Variants in PALLD observed in about 807,000 individuals in gnomAD.
PALLD encodes palladin, cytoskeletal associated protein, also known as palladin.
PALLD carries 61 observed loss-of-function variants against 123.5 expected under a neutral mutation model. The observed-to-expected ratio is 0.49, with a 90% CI of 0.40 to 0.61. PALLD has a LOEUF of 0.61. PALLD is among the 20% of genes least tolerant of loss of function. PALLD has a pLI of 0.00. For missense variants in PALLD, 1,273 were observed against 1,377.0 expected (o/e 0.92, Z 1.20); for synonymous variants, 465 against 496.4 (o/e 0.94, Z 0.84).
chr4:168,541,556 T>C (rs1323159369), intron 2 of PALLD, among the ~76,000 whole-genome samples: 1 of 152,054 alleles, frequency 6.6e-6, no homozygotes, highest in Non-Finnish European at 1.5e-5. Context: ...GTTCAAGCGA[T>C]TCTCCTGCCT....
At chr4:168,744,241 G>T (rs1203812262) in intron 10 of PALLD, among the ~76,000 whole-genome samples, 1 of 152,148 alleles carries the variant, frequency 6.6e-6, no homozygotes, top group Non-Finnish European at 1.5e-5. Flanking sequence ...CAGGAAGAGA[G>T]TGCTGCTAAC....
chr4:168,558,422 G>T (rs1014568910), intron 2 of PALLD, among the ~76,000 whole-genome samples: 1 of 152,160 alleles, frequency 6.6e-6, no homozygotes, highest in Admixed American at 6.5e-5. Context: ...ATTTCAAAGC[G>T]GTAGAGGTGG....
chr4:168,838,097 G>A (rs961746764), intron 10 of PALLD, among the ~76,000 whole-genome samples: 8 of 152,140 alleles, frequency 5.3e-5, no homozygotes, highest in East Asian at 1.9e-4. Flanking sequence ...ATTTTATGTC[G>A]TAACACCAAA....
intron 15 of PALLD, among the ~76,000 whole-genome samples, chr4:168,906,300 C>T (rs754599944): frequency 2.0e-5 from 3 of 152,168 alleles, no homozygotes; most frequent in Non-Finnish European, 4.4e-5. Context: ...AGAACATAAA[C>T]GTAAAACTGC....
chr4:168,755,717 A>G (rs938936346), intron 10 of PALLD: 1 of 152,688 alleles, frequency 6.5e-6, no homozygotes, highest in African/African-American at 2.4e-5. Context: ...GACCCCTTGA[A>G]GGGTTACTGT....
chr4:168,820,079 AGTTT>A (rs1422536858), intron 10 of PALLD, among the ~76,000 whole-genome samples: 1 of 152,230 alleles, frequency 6.6e-6, no homozygotes, highest in Non-Finnish European at 1.5e-5. Context: ...AAGACTTAAG[AGTTT>A]GAAGGAGCTC....
intron 2 of PALLD, among the ~76,000 whole-genome samples, chr4:168,620,326 G>A (rs376845188): frequency 1.3e-5 from 2 of 152,200 alleles, no homozygotes; most frequent in African/African-American, 2.4e-5. Context: ...GTGGTGGCAC[G>A]CTCCTGTAAT....
At chr4:168,545,400 G>C (rs1266848001) in intron 2 of PALLD, among the ~76,000 whole-genome samples, 1 of 151,898 alleles carries the variant, frequency 6.6e-6, no homozygotes, top group African/African-American at 2.4e-5. Context: ...GAGGTGGCAG[G>C]TGCCTGTAAT....
At chr4:168,680,961 T>G (rs1166928924) in intron 3 of PALLD, among the ~76,000 whole-genome samples, 1 of 152,202 alleles carries the variant, frequency 6.6e-6, no homozygotes, top group Non-Finnish European at 1.5e-5. Context: ...CTGCAATCTC[T>G]GGAGAAGGTT....
intron 2 of PALLD, among the ~76,000 whole-genome samples, chr4:168,609,189 G>A (rs962776768): frequency 6.6e-6 from 1 of 151,804 alleles, no homozygotes; most frequent in Non-Finnish European, 1.5e-5. Flanking sequence ...AATTTGCAGT[G>A]GCTTACATTA....
intron 10 of PALLD, among the ~76,000 whole-genome samples, chr4:168,758,134 A>G (rs1437006775): frequency 6.6e-6 from 1 of 152,176 alleles, no homozygotes; most frequent in African/African-American, 2.4e-5. Flanking sequence ...TTTGTATTAA[A>G]TTAGTTCTCC....
chr4:168,761,994 G>A (rs1017936903), intron 10 of PALLD, among the ~76,000 whole-genome samples: 1 of 151,928 alleles, frequency 6.6e-6, no homozygotes, highest in East Asian at 1.9e-4. Flanking sequence ...ATTTATAAGG[G>A]AAGAAAAGAA....
At chr4:168,814,328 A>G (rs1291607645) in intron 10 of PALLD, among the ~76,000 whole-genome samples, 2 of 152,170 alleles carry the variant, frequency 1.3e-5, no homozygotes, top group African/African-American at 2.4e-5. Flanking sequence ...ATTTTTTTGC[A>G]CTAAGAATTG....
At chr4:168,799,008 G>A (rs904716461) in intron 10 of PALLD, among the ~76,000 whole-genome samples, 1 of 152,214 alleles carries the variant, frequency 6.6e-6, no homozygotes, top group African/African-American at 2.4e-5. Context: ...GATTCAGAGA[G>A]ACTCCGGGGG....
chr4:168,782,472 T>G (rs1344153195), intron 10 of PALLD, among the ~76,000 whole-genome samples: 1 of 152,158 alleles, frequency 6.6e-6, no homozygotes, highest in Non-Finnish European at 1.5e-5. Flanking sequence ...GATGAGCAAA[T>G]TTTTCTAAAA....
intron 2 of PALLD, among the ~76,000 whole-genome samples, chr4:168,608,195 T>G (rs1477964905): frequency 6.6e-6 from 1 of 152,218 alleles, no homozygotes; most frequent in Non-Finnish European, 1.5e-5. Flanking sequence ...GAAAGAGAGA[T>G]GCTTGAGCAG....
chr4:168,765,090 A>G (rs2150466625), intron 10 of PALLD, among the ~76,000 whole-genome samples: 1 of 152,332 alleles, frequency 6.6e-6, no homozygotes, highest in Admixed American at 6.5e-5. Flanking sequence ...AATCAGAAAA[A>G]GTTAGTCTGA....
At chr4:168,807,264 T>TAC (rs910673415) in intron 10 of PALLD, among the ~76,000 whole-genome samples, 3 of 148,386 alleles carry the variant, frequency 2.0e-5, no homozygotes, top group South Asian at 2.1e-4. Context: ...AAGCTATGAG[T>TAC]ACACACACAC....
chr4:168,764,580 A>G (rs1733401286), intron 10 of PALLD, among the ~76,000 whole-genome samples: 1 of 151,938 alleles, frequency 6.6e-6, no homozygotes, highest in South Asian at 2.1e-4. Context: ...ACTGTGCCCA[A>G]CTTTTAGAGA....
Sources: allele counts gnomAD v4.1 joint callset (sites outside exome capture counted in the v4.1 genomes callset), GRCh38; gene constraint gnomAD v4.1.1; transcripts MANE v1.5; gene names NCBI Gene and HGNC (gene_info 2026-07-23, HGNC 2026-07-21).